Variants in MIPOL1 observed in about 807,000 individuals in gnomAD.
MIPOL1 encodes the protein mirror-image polydactyly gene 1 protein.
A neutral mutation model predicts 60.9 loss-of-function variants in MIPOL1; 57 were observed. That is an observed-to-expected ratio of 0.94 (90% CI 0.76 to 1.17). The LOEUF is 1.17. Among genes scored for constraint, MIPOL1 ranks in the 50% most tolerant of loss-of-function variants. MIPOL1 has a pLI of 0.00. For synonymous variants in MIPOL1, 179 were observed against 168.8 expected (o/e 1.06, Z -0.47); for missense variants, 551 against 511.6 (o/e 1.08, Z -0.74).
intron 11 of MIPOL1, among the ~76,000 whole-genome samples, chr14:37,451,316 T>A (rs1358668726): frequency 2.0e-5 from 3 of 152,230 alleles, no homozygotes; most frequent in Non-Finnish European, 4.4e-5. Context: ...TGGAAGAGAA[T>A]GAAGGCAGCT....
intron 10 of MIPOL1, among the ~76,000 whole-genome samples, chr14:37,372,416 AT>A (rs2153500362): frequency 6.6e-6 from 1 of 152,196 alleles, no homozygotes; most frequent in African/African-American, 2.4e-5. Flanking sequence ...ATTTTTGGTG[AT>A]CATTTATAAG....
chr14:37,354,157 G>A (rs1345997322), intron 9 of MIPOL1, among the ~76,000 whole-genome samples: 9 of 151,550 alleles, frequency 5.9e-5, no homozygotes, highest in East Asian at 1.9e-4. Context: ...CCTTCATTTC[G>A]TTATCTACCC....
chr14:37,481,593 ACACACACACACACACACAC>A (rs1566683891), intron 11 of MIPOL1, among the ~76,000 whole-genome samples: 193 of 151,136 alleles, frequency 1.3e-3, no homozygotes, highest in African/African-American at 4.3e-3. Flanking sequence ...ACACACACAC[ACACACACACACACACACAC>A]CGAAACCACA....
At chr14:37,236,311 T>C (rs919548250) in intron 1 of MIPOL1, among the ~76,000 whole-genome samples, 5 of 152,214 alleles carry the variant, frequency 3.3e-5, no homozygotes, top group African/African-American at 7.2e-5. Flanking sequence ...TAGCTCATGA[T>C]GTTGAGCATC....
intron 9 of MIPOL1, among the ~76,000 whole-genome samples, chr14:37,349,984 T>A (rs535480433): frequency 6.5e-4 from 99 of 152,352 alleles, no homozygotes; most frequent in Non-Finnish European, 3.2e-4. Flanking sequence ...TATTTTTTTT[T>A]AAATCTGAAT....
rs552794248 is a variant in MIPOL1, at chr14:37,218,773, T to TA, written c.-199+20676dup. Among the ~76,000 whole-genome samples, 47 of 151,328 alleles carry TA rather than the reference T, an allele frequency of 3.1e-4. 1 individual carries two copies. The East Asian group carries it at 5.9e-3, about 19-fold the overall frequency. Reference sequence around the variant, plus strand: ...GCAACATGAAGAGACTCCGTCTCTATAAAAAAATAGAAAAATTAGCCTGGT... The same window carrying TA: ...GCAACATGAAGAGACTCCGTCTCTATAAAAAAAATAGAAAAATTAGCCTGGT... On this transcript the variant is annotated intron_variant, in intron 1 of 12. Coordinates refer to ENST00000684589, the MANE Select transcript of MIPOL1 (RefSeq NM_001388067.1).
intron 7 of MIPOL1, among the ~76,000 whole-genome samples, chr14:37,296,567 TAAA>T (rs2085714026): frequency 6.6e-6 from 1 of 151,900 alleles, no homozygotes; most frequent in African/African-American, 2.4e-5. Context: ...GCAAGACTAA[TAAA>T]GAAGAAAAGA....
intron 1 of MIPOL1, among the ~76,000 whole-genome samples, chr14:37,237,680 A>G (rs10139787): frequency 0.021 from 3,237 of 152,258 alleles, 96 homozygotes; most frequent in African/African-American, 0.072. Flanking sequence ...CCTGACCTTA[A>G]ATGATCATGC....
intron 11 of MIPOL1, among the ~76,000 whole-genome samples, chr14:37,499,283 C>T (rs957312317): frequency 6.6e-6 from 1 of 151,956 alleles, no homozygotes; most frequent in African/African-American, 2.4e-5. Flanking sequence ...TATGCTATTT[C>T]TCTGTATGAC....
Position 37,495,932 on chromosome 14 carries a change from A to C in MIPOL1, c.1032-3976A>C, listed in dbSNP as rs866711802. 8.0e-3 allele frequency among the ~76,000 whole-genome samples: 1,164 copies of C among 146,356 alleles called. 16 individuals carry two copies. The highest frequency in any genetic ancestry group is 0.027 in the African/African-American group (1,069 of 39,524). On this transcript the variant is annotated intron_variant, in intron 11 of 12. Coordinates refer to ENST00000684589, the MANE Select transcript of MIPOL1 (RefSeq NM_001388067.1). Reference sequence around the variant, plus strand: ...TTGGCTGCATAAATGTCTTCTTTTGAGAAGTGTCTGTTCATGTCCTTCGCC... The same window carrying C: ...TTGGCTGCATAAATGTCTTCTTTTGCGAAGTGTCTGTTCATGTCCTTCGCC...
intron 1 of MIPOL1, among the ~76,000 whole-genome samples, chr14:37,202,072 T>G (rs756860512): frequency 1.6e-4 from 24 of 152,218 alleles, no homozygotes; most frequent in Middle Eastern, 3.4e-3. Flanking sequence ...TGGCCTCAGG[T>G]CCTCCTGCCT....
At chr14:37,328,170 G>A (rs1207186478) in intron 9 of MIPOL1, among the ~76,000 whole-genome samples, 1 of 151,974 alleles carries the variant, frequency 6.6e-6, no homozygotes, top group Non-Finnish European at 1.5e-5. Context: ...CCACCACCAT[G>A]CCCAGCTAAT....
intron 11 of MIPOL1, among the ~76,000 whole-genome samples, chr14:37,465,470 A>C (rs1224382669): frequency 6.6e-6 from 1 of 152,176 alleles, no homozygotes; most frequent in African/African-American, 2.4e-5. Flanking sequence ...AGGTCTTCCT[A>C]GTGTTGAGAA....
At chr14:37,235,137 C>G (rs966401626) in intron 1 of MIPOL1, among the ~76,000 whole-genome samples, 1 of 151,680 alleles carries the variant, frequency 6.6e-6, no homozygotes, top group Non-Finnish European at 1.5e-5. Flanking sequence ...TTCATGATGC[C>G]CTTAGTGTCT....
intron 10 of MIPOL1, among the ~76,000 whole-genome samples, chr14:37,375,862 C>A (rs994517706): frequency 6.6e-6 from 1 of 152,050 alleles, no homozygotes; most frequent in African/African-American, 2.4e-5. Flanking sequence ...GGCAGTTACT[C>A]CTGTGACTGG....
At chr14:37,316,611 T>TC (rs2087933403) in intron 9 of MIPOL1, among the ~76,000 whole-genome samples, 1 of 146,458 alleles carries the variant, frequency 6.8e-6, no homozygotes, top group East Asian at 2.0e-4. Context: ...TTTTTTCCTT[T>TC]CTTTTTTTAA....
In MIPOL1 at chr14:37,422,866, A is replaced by G; in HGVS notation, c.948A>G (p.Leu316=). ...TTAATTACTTTTAGGCAAAGTTGTT[A>G]TCTATGCAACAAGCCAGAGAAACTG... is the stretch of plus-strand genomic sequence containing the variant. ...NQERALKAKL[L]SMQQARETAV... Residue 316 remains leucine (L), a synonymous_variant, in exon 11 of 13, where the codon TTA becomes TTG. Coordinates refer to ENST00000684589, the MANE Select transcript of MIPOL1 (RefSeq NM_001388067.1). 1 of 1,604,236 alleles carries G rather than the reference A, an allele frequency of 6.2e-7. No individual in the cohort carries two copies. Among genetic ancestry groups the G allele is most frequent in the Non-Finnish European group, 8.5e-7 (1 of 1,174,048 alleles).
intron 1 of MIPOL1, among the ~76,000 whole-genome samples, chr14:37,208,501 G>A (rs553489373): frequency 9.9e-5 from 15 of 152,184 alleles, no homozygotes; most frequent in Non-Finnish European, 2.1e-4. Flanking sequence ...AGAAAACATA[G>A]CAAGTAATAC....
rs979510537 is a variant in MIPOL1, at chr14:37,209,917, C to T, written c.-199+11813C>T. Among the ~76,000 whole-genome samples, 4 of 151,620 alleles carry T rather than the reference C, an allele frequency of 2.6e-5. No individual in the cohort carries two copies. In the South Asian group the frequency reaches 8.4e-4, roughly 32 times the overall value. Reference sequence around the variant, plus strand: ...GTAGACATGAGGTCCCCCTGTGTTGCCCAGACTAGTCTTAAACTCTGCTCC... The same window carrying T: ...GTAGACATGAGGTCCCCCTGTGTTGTCCAGACTAGTCTTAAACTCTGCTCC... On this transcript the variant is annotated intron_variant, in intron 1 of 12. Coordinates refer to ENST00000684589, the MANE Select transcript of MIPOL1 (RefSeq NM_001388067.1).
Sources: allele counts gnomAD v4.1 joint callset (sites outside exome capture counted in the v4.1 genomes callset), GRCh38; gene constraint gnomAD v4.1.1; transcripts MANE v1.5; gene names NCBI Gene and HGNC (gene_info 2026-07-23, HGNC 2026-07-21).